JAKMIP3: variants seen among roughly 807,000 people sequenced by gnomAD.
JAKMIP3 encodes janus kinase and microtubule-interacting protein 3.
In JAKMIP3, 58 loss-of-function variants were observed where a neutral mutation model predicts 118.5. The observed-to-expected ratio is 0.49, with a 90% CI of 0.40 to 0.61. The LOEUF (loss-of-function observed/expected upper bound fraction) is 0.61. Ranked by LOEUF, JAKMIP3 falls within the 20% of genes least tolerant of loss-of-function variation. JAKMIP3 has a pLI of 0.00. For missense variants in JAKMIP3, 950 were observed against 1,109.0 expected (o/e 0.86, Z 2.04); for synonymous variants, 486 against 451.2 (o/e 1.08, Z -0.98).
At chr10:132,152,221 G>C (rs1317840956) in intron 16 of JAKMIP3, among the ~76,000 whole-genome samples, 3 of 152,198 alleles carry the variant, frequency 2.0e-5, no homozygotes, top group Non-Finnish European at 4.4e-5. Flanking sequence ...GCAGACTTTG[G>C]GGTTGGGGGA....
At chr10:132,067,946 G>T (rs890103697) in intron 1 of JAKMIP3, among the ~76,000 whole-genome samples, 2 of 148,868 alleles carry the variant, frequency 1.3e-5, no homozygotes, top group South Asian at 4.4e-4. Flanking sequence ...CTTCCGTGTG[G>T]ACTCTGGGTT....
At chr10:132,156,100 G>A (rs1213412015) in intron 19 of JAKMIP3, among the ~76,000 whole-genome samples, 1 of 152,142 alleles carries the variant, frequency 6.6e-6, no homozygotes, top group Non-Finnish European at 1.5e-5. Flanking sequence ...CCAAACTGCA[G>A]CCAGCTGACA....
intron 1 of JAKMIP3, among the ~76,000 whole-genome samples, chr10:132,066,599 C>T (rs2038825515): frequency 6.6e-6 from 1 of 152,220 alleles, no homozygotes; most frequent in South Asian, 2.1e-4. Context: ...GCCTCACCAC[C>T]TACCTGCGCA....
chr10:132,167,859 C>A, intron 22 of JAKMIP3, 94 bp from the exon 23 acceptor site: 18 of 715,164 alleles, frequency 2.5e-5, no homozygotes, highest in East Asian at 9.4e-5. Context: ...GCCCCTCACC[C>A]CTCGGCCCTC....
At chr10:132,172,980 CCTCTCTCTCT>C (rs527507375) in intron 23 of JAKMIP3, among the ~76,000 whole-genome samples, 14 of 75,160 alleles carry the variant, frequency 1.9e-4, no homozygotes, top group East Asian at 2.1e-3. Context: ...TCTCTCCTTC[CCTCTCTCTCT>C]CTCTCCTTCC....
Position 132,117,398 on chromosome 10 carries a change from A to G in JAKMIP3, c.457A>G (p.Lys153Glu), listed in dbSNP as rs1412455941. 6.2e-7 allele frequency: 1 copy of G among 1,614,042 alleles called. No homozygotes were observed. Among genetic ancestry groups the G allele is most frequent in the South Asian group, 1.1e-5 (1 of 91,086 alleles). Residue 153 changes from lysine to glutamate, a missense_variant, in exon 3 of 24, where the codon AAG becomes GAG. Coordinates refer to ENST00000684848, the MANE Select transcript of JAKMIP3 (RefSeq NM_001323087.2). The surrounding 1 kb of genome is among the most constrained non-coding windows in gnomAD (Gnocchi z 8.6). ...GAAGGGGTTCGAGGTGGAGAAGGTCAAGATGCAGCAGGAGATCTCCGAGCT... is the reference window on the plus strand; with the variant it reads ...GAAGGGGTTCGAGGTGGAGAAGGTCGAGATGCAGCAGGAGATCTCCGAGCT... ...AKKGFEVEKV[K>E]MQQEISELKG...
chr10:132,142,086 G>T (rs1030299219), intron 11 of JAKMIP3, 38 bp downstream of exon 11: 4 of 1,563,722 alleles, frequency 2.6e-6, no homozygotes, highest in Non-Finnish European at 3.5e-6. Flanking sequence ...GGCCCCCCTC[G>T]TGCCTTCCCG....
At chr10:132,106,684 G>T (rs375416876) in intron 2 of JAKMIP3, among the ~76,000 whole-genome samples, 4 of 152,310 alleles carry the variant, frequency 2.6e-5, no homozygotes, top group African/African-American at 9.6e-5. Flanking sequence ...GCCCCGACTC[G>T]CTGCAGGAGC....
In JAKMIP3 at chr10:132,168,120, G is replaced by A. The variant is rs765978058; in HGVS notation, c.*190G>A. 1.5e-4 allele frequency: 198 copies of A among 1,288,468 alleles called. No homozygotes were observed. The highest frequency in any genetic ancestry group is 1.8e-4 in the Non-Finnish European group (182 of 988,106). The allele number at this position is 1,288,468 out of a possible 1,614,324, so 79.8% of individuals were successfully genotyped here. On this transcript the variant is annotated 3_prime_UTR_variant, in exon 23 of 24. Transcript: ENST00000684848. ...TGTGGGGCGTGGAGCTGCCGTCCAC[G>A]TGGGATGTGCCAGAACTAGAACTGG...
At chr10:132,166,647 T>A (rs1048597333) in intron 21 of JAKMIP3, among the ~76,000 whole-genome samples, 3 of 152,216 alleles carry the variant, frequency 2.0e-5, no homozygotes, top group Admixed American at 2.0e-4. Flanking sequence ...GTCTCAGCGA[T>A]GGGTTTCACT....
rs567809527 is a variant in JAKMIP3 at position 132,137,571 on chromosome 10, C to T, written c.1284+282C>T. Among the ~76,000 whole-genome samples the T allele has an allele frequency of 1.0e-3, 156 of 152,300 alleles. 2 individuals carry two copies. The highest frequency in any genetic ancestry group is 3.6e-3 in the African/African-American group (150 of 41,568). ...TTCTCAGTTAATGGCCAGGGTCAGA[C>T]GGCTGCCCTTCTCCGGCTGCTCACC... On this transcript the variant is annotated intron_variant, in intron 8 of 23. Coordinates refer to ENST00000684848, the MANE Select transcript of JAKMIP3 (RefSeq NM_001323087.2).
chr10:132,108,471 G>T (rs2046263390), intron 2 of JAKMIP3, among the ~76,000 whole-genome samples: 1 of 152,092 alleles, frequency 6.6e-6, no homozygotes, highest in Non-Finnish European at 1.5e-5. Flanking sequence ...CTGGAAGCAG[G>T]GGCTGGAGGG....
At chr10:132,147,931 C>T (rs754411283) in intron 13 of JAKMIP3, 21 bp from the exon 14 acceptor site, 8 of 1,542,962 alleles carry the variant, frequency 5.2e-6, no homozygotes, top group Non-Finnish European at 7.1e-6. Context: ...CCCCTCACCT[C>T]ATGCATCTTT....
rs181773547 is a variant in JAKMIP3 at position 132,083,917 on chromosome 10, C to A, written c.-138+17856C>A. On this transcript the variant is annotated intron_variant, in intron 1 of 23. Coordinates refer to ENST00000684848, the MANE Select transcript of JAKMIP3 (RefSeq NM_001323087.2). ...TGTGCCTGTTTTTATGCCAGTACCA[C>A]GCTGTTTTGGTGACTATGGCCTTAT... Among the ~76,000 whole-genome samples the A allele has an allele frequency of 2.6e-5, 4 of 152,238 alleles. No homozygotes were observed. The East Asian group carries it at 7.7e-4, about 29-fold the overall frequency.
rs145557515 is a variant in JAKMIP3, at chr10:132,051,458, A to G, written c.-138+14720A>G. On this transcript the variant is annotated intron_variant, in intron 1 of 23. Transcript: ENST00000657785. ...GTACCTGCCTGTCTTTGTGGGTTTA[A>G]TGACCATTTCCCTGCCTGCTCATGA... Among the ~76,000 whole-genome samples the G allele has an allele frequency of 5.0e-3, 766 of 152,130 alleles. 13 individuals are homozygous for G. The highest frequency in any genetic ancestry group is 0.017 in the African/African-American group (725 of 41,464).
chr10:132,080,130 C>T (rs1284708356), intron 1 of JAKMIP3, among the ~76,000 whole-genome samples: 1 of 152,204 alleles, frequency 6.6e-6, no homozygotes, highest in Non-Finnish European at 1.5e-5. Context: ...CAGTGAGCTA[C>T]AGTCATCACT....
intron 1 of JAKMIP3, among the ~76,000 whole-genome samples, chr10:132,073,673 T>C (rs985071637): frequency 6.6e-6 from 1 of 152,058 alleles, no homozygotes; most frequent in Admixed American, 6.6e-5. Flanking sequence ...TTTTTTTGTC[T>C]TTTCTGTAAA....
At chr10:132,161,871 GC>G (rs1166779763) in intron 19 of JAKMIP3, among the ~76,000 whole-genome samples, 14 of 112,268 alleles carry the variant, frequency 1.2e-4, no homozygotes, top group Non-Finnish European at 2.2e-4. Context: ...TGCTGGGGGG[GC>G]CTCTTCCTGT....
At chr10:132,039,341 G>A (rs569277754) in intron 1 of JAKMIP3, among the ~76,000 whole-genome samples, 12 of 151,994 alleles carry the variant, frequency 7.9e-5, no homozygotes, top group Admixed American at 3.3e-4. Context: ...GCTTGGGCCC[G>A]GATCCCACAC....
Sources: gnomAD v4.1 joint callset for allele counts (sites outside exome capture counted in the v4.1 genomes callset) on GRCh38, gnomAD v4.1.1 for gene constraint, Gnocchi (gnomAD v3.1) non-coding constraint, MANE v1.5 for transcripts, NCBI Gene and HGNC (gene_info 2026-07-23, HGNC 2026-07-21) for gene names.